The following NCALD variants were observed in gnomAD, a reference collection of about 807,000 sequenced individuals.
NCALD encodes the protein neurocalcin-delta.
A neutral mutation model predicts 18.6 loss-of-function variants in NCALD; 10 were observed. The ratio of observed to expected loss-of-function variants is 0.54; its 90% confidence interval spans 0.33 to 0.91. The LOEUF (loss-of-function observed/expected upper bound fraction) is 0.91, where lower values mean the gene tolerates loss of function less well. NCALD is among the 40% of genes least tolerant of loss of function. The pLI is 0.03. For missense variants in NCALD, 184 were observed against 247.6 expected, an observed-to-expected ratio of 0.74 and a Z score of 1.72; for synonymous variants, 88 against 87.4, an observed-to-expected ratio of 1.01 and a Z score of -0.04.
chr8:101,713,595 G>A (rs1016193348), intron 2 of NCALD, among the ~76,000 whole-genome samples: 1 of 151,760 alleles, frequency 6.6e-6, no homozygotes. Context: ...ATGATAAGGG[G>A]GATATCCTCA....
chr8:102,114,185 G>C (rs180806020), intron 1 of NCALD, among the ~76,000 whole-genome samples: 1 of 152,340 alleles, frequency 6.6e-6, no homozygotes, highest in African/African-American at 2.4e-5. Context: ...GAATTCAAAT[G>C]TCTAGCTCTC....
At chr8:101,783,849 A>C (rs913429294) in intron 1 of NCALD, among the ~76,000 whole-genome samples, 3 of 152,210 alleles carry the variant, frequency 2.0e-5, no homozygotes, top group Non-Finnish European at 4.4e-5. Context: ...CTCATTTGTA[A>C]TTTGGTTGGT....
chr8:101,782,015 A>G (rs1027056122), intron 1 of NCALD, among the ~76,000 whole-genome samples: 2 of 150,364 alleles, frequency 1.3e-5, no homozygotes, highest in Non-Finnish European at 3.0e-5. Flanking sequence ...CATTGGTGAC[A>G]TGATTCAAAG....
chr8:102,085,388 A>G (rs1476259048), intron 1 of NCALD, among the ~76,000 whole-genome samples: 5 of 152,214 alleles, frequency 3.3e-5, no homozygotes, highest in Admixed American at 3.3e-4. Flanking sequence ...CATAAACAGT[A>G]CTTCCCTAGC....
At chr8:101,831,763 G>A (rs1051117058) in intron 4 of NCALD, among the ~76,000 whole-genome samples, 2 of 151,950 alleles carry the variant, frequency 1.3e-5, no homozygotes, top group East Asian at 1.9e-4. Context: ...ACCACCCTGT[G>A]CTCCCTCTGA....
chr8:101,831,220 T>A (rs1474525135), intron 4 of NCALD, among the ~76,000 whole-genome samples: 1 of 152,160 alleles, frequency 6.6e-6, no homozygotes, highest in Admixed American at 6.5e-5. Context: ...ACTGGTCTAG[T>A]GAAATAGCAT....
intron 2 of NCALD, among the ~76,000 whole-genome samples, chr8:101,699,259 C>A (rs959146904): frequency 4.6e-5 from 7 of 152,134 alleles, no homozygotes; most frequent in African/African-American, 1.7e-4. Context: ...AGTCAAGAAA[C>A]AATAGATGCT....
intron 1 of NCALD, among the ~76,000 whole-genome samples, chr8:102,100,696 CAT>C (rs1825247695): frequency 6.6e-6 from 1 of 152,226 alleles, no homozygotes; most frequent in Non-Finnish European, 1.5e-5. Context: ...GAGGTATATA[CAT>C]ACAGTGAGAC....
chr8:101,898,021 ATTC>A (rs138624663), intron 3 of NCALD, among the ~76,000 whole-genome samples: 6,364 of 152,218 alleles, frequency 0.042, 368 homozygotes, highest in African/African-American at 0.12. Flanking sequence ...CTGAGCACAT[ATTC>A]TTCTCCTCGA....
intron 2 of NCALD, among the ~76,000 whole-genome samples, chr8:101,919,817 C>A (rs920991762): frequency 6.6e-6 from 1 of 152,138 alleles, no homozygotes; most frequent in African/African-American, 2.4e-5. Flanking sequence ...AAATGCAAAT[C>A]AAAACCACAA....
At chr8:102,004,393 T>C (rs1821610864) in intron 2 of NCALD, among the ~76,000 whole-genome samples, 1 of 152,022 alleles carries the variant, frequency 6.6e-6, no homozygotes, top group Admixed American at 6.6e-5. Context: ...TACAAACAAA[T>C]GGAAGAACAT....
rs1821853223 is a variant in NCALD, at chr8:102,010,072, A to AGGGGCCCCAGGTTGGGG, written c.-157+10148_-157+10164dup. On this transcript the variant is annotated intron_variant, in intron 2 of 6. Transcript: ENST00000311028. ...TAAGATAAGTAAGCAACAACGAGGAAGGGGCCCCAGGTTGGGGAGGGCCCC... is the reference window on the plus strand; with the variant it reads ...TAAGATAAGTAAGCAACAACGAGGAAGGGGCCCCAGGTTGGGGGGGGCCCCAGGTTGGGGAGGGCCCC... Among the ~76,000 whole-genome samples, 6 of 152,356 alleles carry AGGGGCCCCAGGTTGGGG rather than the reference A, an allele frequency of 3.9e-5. No homozygotes were observed. The South Asian group carries it at 1.0e-3, about 26-fold the overall frequency.
At chr8:102,062,604 A>G (rs1465819691) in intron 1 of NCALD, among the ~76,000 whole-genome samples, 1 of 152,236 alleles carries the variant, frequency 6.6e-6, no homozygotes, top group Non-Finnish European at 1.5e-5. Context: ...ACAGAATCTC[A>G]GTCTCACACA....
intron 1 of NCALD, among the ~76,000 whole-genome samples, chr8:102,060,556 T>C (rs1390030083): frequency 6.6e-6 from 1 of 152,148 alleles, no homozygotes; most frequent in African/African-American, 2.4e-5. Context: ...GGTTTCCCCA[T>C]GCTTATTCCT....
intron 1 of NCALD, among the ~76,000 whole-genome samples, chr8:101,748,661 A>T (rs1810527454): frequency 6.6e-6 from 1 of 152,190 alleles, no homozygotes; most frequent in Non-Finnish European, 1.5e-5. Context: ...CACTCTGAAG[A>T]TGGTCTTACC....
At position 101,926,826 on chromosome 8, in the gene NCALD, G is replaced by A. The variant is rs140971073; in HGVS notation, c.-156-10968C>T. ...TGGGTCTCCCTAGGGAATAAGTGGC[G>A]TTAAGGGAAGTGGCAGTAGTTTCTG... is the stretch of plus-strand genomic sequence containing the variant. On this transcript the variant is annotated intron_variant, in intron 2 of 6. Transcript: ENST00000311028. 2.0e-3 allele frequency among the ~76,000 whole-genome samples: 305 copies of A among 152,308 alleles called. 4 individuals are homozygous for A. In the East Asian group the frequency reaches 0.026, roughly 13 times the overall value.
intron 2 of NCALD, among the ~76,000 whole-genome samples, chr8:102,008,729 G>A (rs1011878631): frequency 2.6e-5 from 4 of 152,152 alleles, no homozygotes; most frequent in East Asian, 1.9e-4. Context: ...CCTTGACACC[G>A]TTTCACAATT....
chr8:101,873,412 A>G (rs1432325472), intron 4 of NCALD, among the ~76,000 whole-genome samples: 2 of 152,224 alleles, frequency 1.3e-5, no homozygotes, highest in African/African-American at 2.4e-5. Flanking sequence ...GAATTACTCA[A>G]GACAGTTTTA....
At position 101,745,265 on chromosome 8, in the gene NCALD, A is replaced by C. The variant is rs188986753; in HGVS notation, c.-19-25617T>G. On this transcript the variant is annotated intron_variant, in intron 1 of 3. Coordinates refer to ENST00000220931, the MANE Select transcript of NCALD (RefSeq NM_032041.3). Reference sequence around the variant, plus strand: ...TGTCATCTCTTATTGTTTAAAATACACATAAACCCAGACGGGTGATGTTCA... The same window carrying C: ...TGTCATCTCTTATTGTTTAAAATACCCATAAACCCAGACGGGTGATGTTCA... Among the ~76,000 whole-genome samples the C allele has an allele frequency of 7.7e-4, 117 of 152,302 alleles. 2 individuals are homozygous for C. The South Asian group carries it at 8.3e-3, about 11-fold the overall frequency.
Sources: gnomAD v4.1 joint callset for allele counts (sites outside exome capture counted in the v4.1 genomes callset) on GRCh38, gnomAD v4.1.1 for gene constraint, MANE v1.5 for transcripts, NCBI Gene and HGNC (gene_info 2026-07-23, HGNC 2026-07-21) for gene names.